NKAIN3: variants seen among roughly 807,000 people sequenced by gnomAD.
NKAIN3 encodes the protein sodium/potassium transporting ATPase interacting 3.
A neutral mutation model predicts 30.2 loss-of-function variants in NKAIN3; 25 were observed. The ratio of observed to expected loss-of-function variants is 0.83; its 90% CI spans 0.60 to 1.16. NKAIN3 has a LOEUF of 1.16. Among genes scored for constraint, NKAIN3 ranks in the 50% most tolerant of loss-of-function variants. The probability of loss-of-function intolerance (pLI) is 0.00; values close to 1 mark genes in which losing one functional copy is unlikely to be tolerated. For synonymous variants in NKAIN3, 91 were observed against 89.6 expected (o/e 1.02, Z -0.09); for missense variants, 225 against 254.1 (o/e 0.89, Z 0.78).
chr8:62,589,922 A>C, intron 3 of NKAIN3, 128 bp downstream of exon 3: 1 of 414,614 alleles, frequency 2.4e-6, no homozygotes, highest in Non-Finnish European at 4.3e-6. Context: ...TGTGTATAGA[A>C]TGATAAAATA....
In NKAIN3 at chr8:62,318,302, G is replaced by A. The variant is rs866040904; in HGVS notation, c.54+69175G>A. On this transcript the variant is annotated intron_variant, in intron 1 of 6. Transcript: ENST00000623646. ...CCTGCCTGATTGCCCTGGCCAGAACGTCCAGCACGTCCCATGTTGTCCAAC... is the reference window on the plus strand; with the variant it reads ...CCTGCCTGATTGCCCTGGCCAGAACATCCAGCACGTCCCATGTTGTCCAAC... 8.6e-5 allele frequency among the ~76,000 whole-genome samples: 13 copies of A among 151,438 alleles called. 1 individual carries two copies. Among genetic ancestry groups the A allele is most frequent in the South Asian group, 8.3e-4 (4 of 4,818 alleles).
intron 1 of NKAIN3, among the ~76,000 whole-genome samples, chr8:62,295,122 A>G (rs1477638715): frequency 1.3e-5 from 2 of 152,128 alleles, no homozygotes; most frequent in Non-Finnish European, 2.9e-5. Flanking sequence ...AACCTTAAAT[A>G]GAATAGTTTC....
chr8:62,515,027 A>G (rs1807941089), intron 1 of NKAIN3, among the ~76,000 whole-genome samples: 1 of 152,102 alleles, frequency 6.6e-6, no homozygotes, highest in South Asian at 2.1e-4. Context: ...GTCCTCCCTG[A>G]CCACCACTCC....
intron 3 of NKAIN3, among the ~76,000 whole-genome samples, chr8:62,638,030 CA>C (rs1428686630): frequency 6.6e-6 from 1 of 152,144 alleles, no homozygotes; most frequent in African/African-American, 2.4e-5. Flanking sequence ...GAACAGCTCA[CA>C]GTGTATGAAT....
chr8:62,782,165 A>G (rs921082588), intron 4 of NKAIN3, among the ~76,000 whole-genome samples: 1 of 152,078 alleles, frequency 6.6e-6, no homozygotes, highest in Non-Finnish European at 1.5e-5. Flanking sequence ...CAGTGTATGA[A>G]AAGATACTCG....
At chr8:62,471,047 T>C (rs1375638030) in intron 1 of NKAIN3, among the ~76,000 whole-genome samples, 2 of 152,160 alleles carry the variant, frequency 1.3e-5, no homozygotes, top group African/African-American at 4.8e-5. Flanking sequence ...CCTGTGCTTA[T>C]CTAGTTTCTC....
intron 3 of NKAIN3, among the ~76,000 whole-genome samples, chr8:62,713,385 G>T (rs987337829): frequency 6.6e-6 from 1 of 152,122 alleles, no homozygotes; most frequent in African/African-American, 2.4e-5. Context: ...ACAGATTTAT[G>T]CCTTTAACAA....
intron 3 of NKAIN3, among the ~76,000 whole-genome samples, chr8:62,620,743 G>C (rs1472702852): frequency 6.6e-6 from 1 of 152,044 alleles, no homozygotes; most frequent in East Asian, 1.9e-4. Flanking sequence ...TTATGTATCA[G>C]GTCTTTTTCT....
chr8:62,700,651 G>A (rs1480985973), intron 3 of NKAIN3, among the ~76,000 whole-genome samples: 2 of 152,148 alleles, frequency 1.3e-5, no homozygotes, highest in Middle Eastern at 3.2e-3. Flanking sequence ...AGTAGGTTCT[G>A]TATAAAAAGC....
At chr8:62,840,440 A>T (rs535277618) in intron 4 of NKAIN3, among the ~76,000 whole-genome samples, 2 of 147,978 alleles carry the variant, frequency 1.4e-5, no homozygotes, top group East Asian at 4.0e-4. Context: ...AAAAAAAAAC[A>T]ATCAGAGAGA....
In NKAIN3 at chr8:62,248,895, G is replaced by A. The variant is rs1467331592; in HGVS notation, c.-179G>A. 3.5e-6 allele frequency: 2 copies of A among 563,766 alleles called. No individual in the cohort carries two copies. The highest frequency in any genetic ancestry group is 6.0e-6 in the Non-Finnish European group (2 of 332,114). 34.9% of individuals were successfully genotyped at this position (563,766 alleles called of 1,614,324 possible). A position where few individuals can be genotyped will look rare whatever the true frequency, so the allele number is the denominator to read the frequency against. The stretch of plus-strand genomic sequence containing the variant: ...GTGCGCACCGCACTGACCTCGGCCC[G>A]CCCCGCCGGGAAACTAACAAAGGCG... On this transcript the variant is annotated 5_prime_UTR_variant, in exon 1 of 7. Coordinates refer to ENST00000623646, the MANE Select transcript of NKAIN3 (RefSeq NM_001304533.3).
intron 3 of NKAIN3, among the ~76,000 whole-genome samples, chr8:62,596,659 G>A (rs1158636578): frequency 6.6e-6 from 1 of 151,942 alleles, no homozygotes; most frequent in East Asian, 1.9e-4. Context: ...TAGAGTGAGG[G>A]GATTACTTTC....
intron 4 of NKAIN3, among the ~76,000 whole-genome samples, chr8:62,882,395 T>C (rs1031352381): frequency 4.6e-5 from 7 of 152,198 alleles, no homozygotes; most frequent in Non-Finnish European, 7.3e-5. Context: ...CTCTGCTCAA[T>C]GCAACCTCCG....
chr8:62,541,004 T>C (rs1031017870), intron 1 of NKAIN3, among the ~76,000 whole-genome samples: 20 of 152,214 alleles, frequency 1.3e-4, no homozygotes, highest in South Asian at 2.1e-4. Flanking sequence ...GAGCTTCCAG[T>C]GTTGGATTAA....
At chr8:62,725,724 C>T (rs1815236621) in intron 3 of NKAIN3, among the ~76,000 whole-genome samples, 1 of 152,012 alleles carries the variant, frequency 6.6e-6, no homozygotes, top group Non-Finnish European at 1.5e-5. Flanking sequence ...TCTGCCTATA[C>T]CACTCTGTTT....
chr8:62,505,821 C>A (rs1186142561), intron 1 of NKAIN3, among the ~76,000 whole-genome samples: 2 of 151,984 alleles, frequency 1.3e-5, no homozygotes. Context: ...TTAAAATAAC[C>A]AAAGTTATCT....
intron 1 of NKAIN3, among the ~76,000 whole-genome samples, chr8:62,529,216 T>C (rs1435950291): frequency 6.6e-6 from 1 of 152,150 alleles, no homozygotes; most frequent in Non-Finnish European, 1.5e-5. Context: ...GTAGTGGCAT[T>C]TCTTGCAGGA....
intron 1 of NKAIN3, among the ~76,000 whole-genome samples, chr8:62,365,935 T>C (rs1200444794): frequency 6.6e-6 from 1 of 152,166 alleles, no homozygotes; most frequent in African/African-American, 2.4e-5. Context: ...TTTGGACGTA[T>C]TCCCCCCGCT....
At chr8:62,626,786 T>G (rs549768461) in intron 3 of NKAIN3, among the ~76,000 whole-genome samples, 6 of 152,120 alleles carry the variant, frequency 3.9e-5, no homozygotes, top group Non-Finnish European at 8.8e-5. Context: ...AACAGCAAAA[T>G]AATAATTCAC....
Sources: allele counts gnomAD v4.1 joint callset (sites outside exome capture counted in the v4.1 genomes callset), GRCh38; gene constraint gnomAD v4.1.1; transcripts MANE v1.5; gene names NCBI Gene and HGNC (gene_info 2026-07-23, HGNC 2026-07-21).